AJAP1: variants seen among roughly 807,000 people sequenced by gnomAD.
The protein encoded by AJAP1 is adherens junction-associated protein 1.
A neutral mutation model predicts 35.0 loss-of-function variants in AJAP1; 5 were observed. The observed-to-expected ratio is 0.14, with a 90% CI of 0.07 to 0.30. The LOEUF (loss-of-function observed/expected upper bound fraction) is 0.30. Among genes scored for constraint, AJAP1 ranks in the 10% least tolerant of loss-of-function variants. The probability of loss-of-function intolerance (pLI) is 1.00; values close to 1 mark genes in which losing one functional copy is unlikely to be tolerated. For missense variants in AJAP1, 586 were observed against 571.0 expected, an observed-to-expected ratio of 1.03 and a Z score of -0.27; for synonymous variants, 284 against 249.3, an observed-to-expected ratio of 1.14 and a Z score of -1.31.
Position 4,783,471 on chromosome 1 carries a change from G to GTATATATATATATA in AJAP1, c.*1012_*1025dup, listed in dbSNP as rs70957905. The GTATATATATATATA allele has an allele frequency of 3.5e-5, 2 of 57,804 alleles. No individual in the cohort carries two copies. Among genetic ancestry groups the GTATATATATATATA allele is most frequent in the South Asian group, 5.5e-4 (1 of 1,824 alleles). 3.6% of individuals were successfully genotyped at this position (57,804 alleles called of 1,614,324 possible). Reference sequence around the variant, plus strand: ...ATGCCAAGGTTTTATATATGTGTGTGTATATATATATATATATATATATAT... The same window carrying GTATATATATATATA: ...ATGCCAAGGTTTTATATATGTGTGTGTATATATATATATATATATATATATATATATATATATAT... On this transcript the variant is annotated 3_prime_UTR_variant, in exon 6 of 6. Coordinates refer to ENST00000378191, the MANE Select transcript of AJAP1 (RefSeq NM_018836.4).
intron 1 of AJAP1, among the ~76,000 whole-genome samples, chr1:4,676,995 A>G (rs11810326): frequency 0.081 from 12,307 of 152,200 alleles, 700 homozygotes; most frequent in East Asian, 0.22. Flanking sequence ...CGTCTCTACT[A>G]AAAATACAAA....
intron 1 of AJAP1, among the ~76,000 whole-genome samples, chr1:4,668,747 C>T (rs1275802773): frequency 6.6e-6 from 1 of 152,196 alleles, no homozygotes; most frequent in Non-Finnish European, 1.5e-5. Context: ...GGGTCCCCTG[C>T]CTGGGAGACG....
chr1:4,757,054 T>A (rs991703175), intron 2 of AJAP1, among the ~76,000 whole-genome samples: 1 of 152,092 alleles, frequency 6.6e-6, no homozygotes, highest in Non-Finnish European at 1.5e-5. Context: ...GGCTCACACA[T>A]GAGTCGTTGT....
chr1:4,782,504 C>T lies in AJAP1; in HGVS notation c.*60-41C>T, dbSNP rs754337524. Reference sequence around the variant, plus strand: ...CCCCACAGACTTGTCGCGCCCTCGGCGTGCTGCCATTTAATCTCTTCTTGT... The same window carrying T: ...CCCCACAGACTTGTCGCGCCCTCGGTGTGCTGCCATTTAATCTCTTCTTGT... On this transcript the variant is annotated intron_variant, in intron 5 of 5. Transcript: ENST00000378191. This position sits in a 1 kb window ranked among gnomAD's most constrained non-coding sequence, Gnocchi z 5.3. 2.3e-5 allele frequency: 8 copies of T among 351,966 alleles called. No homozygotes were observed. The highest frequency in any genetic ancestry group is 3.6e-5 in the Non-Finnish European group (7 of 197,026). 21.8% of individuals were successfully genotyped at this position (351,966 alleles called of 1,614,324 possible).
At chr1:4,755,568 G>A (rs900087210) in intron 2 of AJAP1, among the ~76,000 whole-genome samples, 4 of 152,090 alleles carry the variant, frequency 2.6e-5, no homozygotes, top group African/African-American at 9.7e-5. Flanking sequence ...CATGGACTCA[G>A]TCTAGTACCG....
Position 4,782,238 on chromosome 1 carries a change from G to T in AJAP1, c.*60-307G>T, listed in dbSNP as rs1339700914. ...GGCACCCCCACCATGAGTTAGCGGA[G>T]GGGGTGGTCCCAGCCCCTGGTAGCA... is the stretch of plus-strand genomic sequence containing the variant. On this transcript the variant is annotated intron_variant, in intron 5 of 5. Coordinates refer to ENST00000378191, the MANE Select transcript of AJAP1 (RefSeq NM_018836.4). The surrounding 1 kb of genome is among the most constrained non-coding windows in gnomAD (Gnocchi z 5.3). 2.6e-5 allele frequency among the ~76,000 whole-genome samples: 4 copies of T among 152,196 alleles called. No individual in the cohort carries two copies. The highest frequency in any genetic ancestry group is 4.4e-5 in the Non-Finnish European group (3 of 68,038).
chr1:4,719,301 A>T (rs1367056161), intron 2 of AJAP1, among the ~76,000 whole-genome samples: 1 of 152,214 alleles, frequency 6.6e-6, no homozygotes, highest in African/African-American at 2.4e-5. Flanking sequence ...GTTGCAAAAC[A>T]TGGCCCCTCC....
rs572063229 is a variant in AJAP1, at chr1:4,786,608, C to G, written c.*4123C>G. Reference sequence around the variant, plus strand: ...AAGGTGAACGCACCAAAGGATCGACCCTGTCACCTTGGATGGTCTCTATTT... The same window carrying G: ...AAGGTGAACGCACCAAAGGATCGACGCTGTCACCTTGGATGGTCTCTATTT... On this transcript the variant is annotated 3_prime_UTR_variant, in exon 6 of 6. Transcript: ENST00000378191. 6.6e-6 allele frequency: 1 copy of G among 152,310 alleles called. No homozygotes were observed. The highest frequency in any genetic ancestry group is 6.5e-5 in the Admixed American group (1 of 15,302). 9.4% of individuals were successfully genotyped at this position (152,310 alleles called of 1,614,324 possible).
intron 2 of AJAP1, among the ~76,000 whole-genome samples, chr1:4,739,210 G>A (rs449181): frequency 0.89 from 135,157 of 152,236 alleles, 61,157 homozygotes; most frequent in Non-Finnish European, 0.93. Context: ...AACTGCAGGC[G>A]GGGAAAGACG....
At chr1:4,738,893 G>A (rs1640993289) in intron 2 of AJAP1, among the ~76,000 whole-genome samples, 1 of 152,126 alleles carries the variant, frequency 6.6e-6, no homozygotes, top group African/African-American at 2.4e-5. Flanking sequence ...GGAGAGAACC[G>A]CTGGAAGACC....
At chr1:4,744,592 C>T (rs1168439214) in intron 2 of AJAP1, among the ~76,000 whole-genome samples, 1 of 150,664 alleles carries the variant, frequency 6.6e-6, no homozygotes, top group Non-Finnish European at 1.5e-5. Context: ...TGAAGGGGCA[C>T]ACATGCACAT....
At chr1:4,727,765 C>T (rs1640700364) in intron 2 of AJAP1, among the ~76,000 whole-genome samples, 1 of 152,312 alleles carries the variant, frequency 6.6e-6, no homozygotes, top group South Asian at 2.1e-4. Flanking sequence ...AGTCTCCATA[C>T]TGCTGGCCTG....
At chr1:4,769,507 C>A (rs910942625) in intron 2 of AJAP1, among the ~76,000 whole-genome samples, 4 of 152,170 alleles carry the variant, frequency 2.6e-5, no homozygotes, top group African/African-American at 9.7e-5. Flanking sequence ...AGCTGACCTG[C>A]CGCCAGGTAG....
chr1:4,785,210 C>T lies in AJAP1; in HGVS notation c.*2725C>T, dbSNP rs1327081383. On this transcript the variant is annotated 3_prime_UTR_variant, in exon 6 of 6. Transcript: ENST00000378191. The stretch of plus-strand genomic sequence containing the variant: ...TCGAGCCTTGGAAGGAAGCGTAATG[C>T]AACAACCCTCTTGTCCCCGATAAGA... The T allele has an allele frequency of 2.0e-5, 3 of 152,242 alleles. No individual in the cohort carries two copies. Among genetic ancestry groups the T allele is most frequent in the Non-Finnish European group, 4.4e-5 (3 of 68,086 alleles). 9.4% of individuals were successfully genotyped at this position (152,242 alleles called of 1,614,324 possible). A position where few individuals can be genotyped will look rare whatever the true frequency, so the allele number is the denominator to read the frequency against.
At chr1:4,778,947 A>G (rs1421290980) in intron 5 of AJAP1, among the ~76,000 whole-genome samples, 1 of 152,222 alleles carries the variant, frequency 6.6e-6, no homozygotes, top group African/African-American at 2.4e-5. Flanking sequence ...TGGAACCTGC[A>G]TGAACCAGTG....
At chr1:4,729,254 C>T (rs898362702) in intron 2 of AJAP1, among the ~76,000 whole-genome samples, 2 of 152,068 alleles carry the variant, frequency 1.3e-5, no homozygotes, top group Admixed American at 6.5e-5. Context: ...GGGTGCAGGT[C>T]GGAGTGAGGG....
chr1:4,701,864 G>A (rs1639996148), intron 1 of AJAP1, among the ~76,000 whole-genome samples: 1 of 152,152 alleles, frequency 6.6e-6, no homozygotes, highest in South Asian at 2.1e-4. Context: ...CACCTGCCAG[G>A]CGCAAGGTGT....
chr1:4,712,392 C>T lies in AJAP1; in HGVS notation c.522C>T (p.Pro174=), dbSNP rs1218920833. The change falls in exon 2 of 6, where the codon CCC becomes CCT. Residue 174 remains proline, a synonymous_variant. Transcript: ENST00000378191. ...LSSFDSRGSR[P]TTETEFIAWG... ...GCTTCGACTCCAGAGGCAGCCGGCC[C>T]ACCACAGAGACTGAGTTCATCGCCT... is the stretch of plus-strand genomic sequence containing the variant. The T allele has an allele frequency of 6.4e-7, 1 of 1,570,074 alleles. No individual in the cohort carries two copies. Among genetic ancestry groups the T allele is most frequent in the Non-Finnish European group, 8.6e-7 (1 of 1,156,844 alleles).
chr1:4,713,376 T>G (rs555143540), intron 2 of AJAP1, among the ~76,000 whole-genome samples: 30 of 152,302 alleles, frequency 2.0e-4, no homozygotes, highest in Admixed American at 9.8e-4. Context: ...ACAAAGGGCT[T>G]TGGTTCTTCT....
Sources: allele counts gnomAD v4.1 joint callset (sites outside exome capture counted in the v4.1 genomes callset), GRCh38; gene constraint gnomAD v4.1.1; non-coding constraint Gnocchi (gnomAD v3.1); transcripts MANE v1.5; gene names NCBI Gene and HGNC (gene_info 2026-07-23, HGNC 2026-07-21).